Variants in SKI observed in about 807,000 individuals in gnomAD.
SKI encodes ski oncogene.
SKI carries 23 observed loss-of-function variants against 59.3 expected under a neutral mutation model. The observed-to-expected ratio is 0.39, with a 90% CI of 0.28 to 0.55. The LOEUF is 0.55. Ranked by LOEUF, SKI falls within the 20% of genes least tolerant of loss-of-function variation. The probability of loss-of-function intolerance (pLI) is 0.67; values close to 1 mark genes in which losing one functional copy is unlikely to be tolerated. For synonymous variants in SKI, 673 were observed against 488.6 expected, an observed-to-expected ratio of 1.38 and a Z score of -4.98; for missense variants, 1,017 against 1,038.9, an observed-to-expected ratio of 0.98 and a Z score of 0.29.
chr1:2,300,257 A>G (rs1640392142), intron 1 of SKI, among the ~76,000 whole-genome samples: 1 of 152,250 alleles, frequency 6.6e-6, no homozygotes, highest in Non-Finnish European at 1.5e-5. Flanking sequence ...GTAAGCTGAC[A>G]GTGGCCTGAA....
At chr1:2,239,069 G>T (rs1638810167) in intron 1 of SKI, among the ~76,000 whole-genome samples, 1 of 152,160 alleles carries the variant, frequency 6.6e-6, no homozygotes, top group Non-Finnish European at 1.5e-5. Context: ...GCCTTTCCTG[G>T]CTACAACCCT....
chr1:2,230,974 C>T (rs142037805), intron 1 of SKI, among the ~76,000 whole-genome samples: 2,756 of 152,120 alleles, frequency 0.018, 33 homozygotes, highest in Non-Finnish European at 0.028. Context: ...TGTGTGTGTG[C>T]ATGTGTGTGT....
chr1:2,280,085 C>T (rs370873480), intron 1 of SKI, among the ~76,000 whole-genome samples: 36 of 152,128 alleles, frequency 2.4e-4, no homozygotes, highest in East Asian at 1.2e-3. Flanking sequence ...GGTCTGACCA[C>T]GGGCTGGGTG....
rs3065260 is a variant in SKI, at chr1:2,260,535, CTTTTTT to C, written c.969+30818_969+30823del. Among the ~76,000 whole-genome samples the C allele has an allele frequency of 2.6e-3, 176 of 67,822 alleles. 4 individuals carry two copies. The highest frequency in any genetic ancestry group is 7.7e-3 in the African/African-American group (125 of 16,144). The allele number at this position is 67,822 out of a possible 152,430, so 44.5% of individuals were successfully genotyped here. A position where few individuals can be genotyped will look rare whatever the true frequency, so the allele number is the denominator to read the frequency against. ...TCCAATTTTTCAGTTTGTTCTTTTT[CTTTTTT>C]TTTTTTTTTTTTTTTTTGAGACAGG... is the stretch of plus-strand genomic sequence containing the variant. On this transcript the variant is annotated intron_variant, in intron 1 of 6. Coordinates refer to ENST00000378536, the MANE Select transcript of SKI (RefSeq NM_003036.4).
intron 4 of SKI, 66 bp downstream of exon 4, chr1:2,304,168 G>T (rs1403968745): frequency 6.3e-7 from 1 of 1,596,292 alleles, no homozygotes; most frequent in African/African-American, 1.3e-5. Flanking sequence ...GCTGAGGGGG[G>T]CTGGTCGCCG....
intron 1 of SKI, among the ~76,000 whole-genome samples, chr1:2,297,641 C>T (rs1640315790): frequency 6.6e-6 from 1 of 152,236 alleles, no homozygotes; most frequent in Non-Finnish European, 1.5e-5. Context: ...TCCATAAGCC[C>T]GTGGCCCCTG....
At chr1:2,299,255 G>T (rs1010130383) in intron 1 of SKI, among the ~76,000 whole-genome samples, 1 of 18,352 alleles carries the variant, frequency 5.4e-5, no homozygotes. Flanking sequence ...CCTCGGGGAG[G>T]GGGGGGGCCA....
chr1:2,228,333 C>T lies in SKI; in HGVS notation c.-434C>T, dbSNP rs1037662754. On this transcript the variant is annotated 5_prime_UTR_variant, in exon 1 of 7. Coordinates refer to ENST00000378536, the MANE Select transcript of SKI (RefSeq NM_003036.4). Reference sequence around the variant, plus strand: ...CCCGCGCCCCCGCTCCTCCCGGGCCCCTCGGCCTCGGCCGCCGCGGCGATT... The same window carrying T: ...CCCGCGCCCCCGCTCCTCCCGGGCCTCTCGGCCTCGGCCGCCGCGGCGATT... Among the ~76,000 whole-genome samples, 3 of 142,824 alleles carry T rather than the reference C, an allele frequency of 2.1e-5. No individual in the cohort carries two copies. Among genetic ancestry groups the T allele is most frequent in the Admixed American group, 6.9e-5 (1 of 14,564 alleles). The allele number at this position is 142,824 out of a possible 152,430, so 93.7% of individuals were successfully genotyped here.
intron 1 of SKI, among the ~76,000 whole-genome samples, chr1:2,266,177 A>G (rs1264740770): frequency 6.6e-6 from 1 of 152,042 alleles, no homozygotes; most frequent in African/African-American, 2.4e-5. Context: ...AATTTGGGCA[A>G]TTTCCTGTCT....
rs1639551311 is a variant in SKI, at chr1:2,268,751, G to T, written c.970-34227G>T. On this transcript the variant is annotated intron_variant, in intron 1 of 6. Coordinates refer to ENST00000378536, the MANE Select transcript of SKI (RefSeq NM_003036.4). The surrounding 1 kb of genome is among the most constrained non-coding windows in gnomAD (Gnocchi z 5.0). ...TAGGTGCAGTCCAGGGAGAGGCCAT[G>T]ACAGGAGTGGGTGTGGGGACTGGTG... Among the ~76,000 whole-genome samples, 1 of 152,226 alleles carries T rather than the reference G, an allele frequency of 6.6e-6. No homozygotes were observed. The highest frequency in any genetic ancestry group is 2.4e-5 in the African/African-American group (1 of 41,462).
At chr1:2,253,087 C>A (rs1322394258) in intron 1 of SKI, among the ~76,000 whole-genome samples, 5 of 127,384 alleles carry the variant, frequency 3.9e-5, no homozygotes, top group Non-Finnish European at 8.2e-5. Flanking sequence ...TGGAGTGAGA[C>A]CCTGTCTGAA....
intron 1 of SKI, among the ~76,000 whole-genome samples, chr1:2,243,789 G>A (rs1638929642): frequency 2.0e-5 from 3 of 152,108 alleles, no homozygotes. Flanking sequence ...CAGGCACCCT[G>A]TTATTTACTG....
chr1:2,288,583 G>C lies in SKI; in HGVS notation c.970-14395G>C, dbSNP rs568639364. Among the ~76,000 whole-genome samples, 6 of 152,336 alleles carry C rather than the reference G, an allele frequency of 3.9e-5. No individual in the cohort carries two copies. In the East Asian group the frequency reaches 1.2e-3, roughly 29 times the overall value. ...TGCGTGCACATTTGTTTGCATGCGCGTGAGACCCCCAGGTGGTTTTGCTCT... is the reference window on the plus strand; with the variant it reads ...TGCGTGCACATTTGTTTGCATGCGCCTGAGACCCCCAGGTGGTTTTGCTCT... On this transcript the variant is annotated intron_variant, in intron 1 of 6. Transcript: ENST00000378536.
chr1:2,303,025 C>CTCT lies in SKI; in HGVS notation c.1020_1022dup (p.Ser341dup), dbSNP rs760996398. On this transcript the variant is annotated inframe_insertion, in exon 2 of 7. Coordinates refer to ENST00000378536, the MANE Select transcript of SKI (RefSeq NM_003036.4). This position sits in a 1 kb window ranked among gnomAD's most constrained non-coding sequence, Gnocchi z 5.6. Reference sequence around the variant, plus strand: ...CCATAAGACCCAAAACAGATGACACCTCTTCCCAGTCCCCCGCGCCTTCCG... The same window carrying CTCT: ...CCATAAGACCCAAAACAGATGACACCTCTTCTTCCCAGTCCCCCGCGCCTTCCG... 6.2e-7 allele frequency: 1 copy of CTCT among 1,613,748 alleles called. No homozygotes were observed. Among genetic ancestry groups the CTCT allele is most frequent in the Admixed American group, 1.7e-5 (1 of 60,032 alleles).
At chr1:2,287,268 A>G (rs911714785) in intron 1 of SKI, among the ~76,000 whole-genome samples, 2 of 151,834 alleles carry the variant, frequency 1.3e-5, no homozygotes, top group South Asian at 4.2e-4. Context: ...GTTTCTTTAG[A>G]TTTTAAAGAT....
chr1:2,293,812 C>T (rs2889408), intron 1 of SKI, among the ~76,000 whole-genome samples: 41,253 of 152,176 alleles, frequency 0.27, 6,048 homozygotes, highest in Middle Eastern at 0.46. Flanking sequence ...CTTCAGCTGG[C>T]ACCTTGAAAC....
At chr1:2,272,150 C>G (rs758987005) in intron 1 of SKI, among the ~76,000 whole-genome samples, 1 of 152,250 alleles carries the variant, frequency 6.6e-6, no homozygotes, top group African/African-American at 2.4e-5. Flanking sequence ...CTGTCTCTTA[C>G]GTTCTCACGA....
In SKI at chr1:2,303,042, C is replaced by G. The variant is rs201599402; in HGVS notation, c.1034C>G (p.Ala345Gly). ...KTDDTSSQSP[A>G]PSEKDKPSSW... is the part of the protein sequence containing the mutation. ...GATGACACCTCTTCCCAGTCCCCCG[C>G]GCCTTCCGAAAAGGACAAGCCGTCC... The change falls in exon 2 of 7, where the codon GCG (alanine) becomes GGG (glycine). Residue 345 changes from alanine (A) to glycine (G), a missense_variant. Coordinates refer to ENST00000378536, the MANE Select transcript of SKI (RefSeq NM_003036.4). The surrounding 1 kb of genome is among the most constrained non-coding windows in gnomAD (Gnocchi z 5.6). 6.2e-7 allele frequency: 1 copy of G among 1,613,618 alleles called. No homozygotes were observed. The highest frequency in any genetic ancestry group is 1.3e-5 in the African/African-American group (1 of 74,934).
intron 5 of SKI, among the ~76,000 whole-genome samples, chr1:2,305,192 C>G (rs893594897): frequency 1.3e-5 from 2 of 152,236 alleles, no homozygotes; most frequent in Non-Finnish European, 2.9e-5. Context: ...ACGGTTCTCA[C>G]GCTGCAGCTC....
Sources: allele counts gnomAD v4.1 joint callset (sites outside exome capture counted in the v4.1 genomes callset), GRCh38; gene constraint gnomAD v4.1.1; non-coding constraint Gnocchi (gnomAD v3.1); transcripts MANE v1.5; gene names NCBI Gene and HGNC (gene_info 2026-07-23, HGNC 2026-07-21).